The following KLF12 variants were observed in gnomAD, a reference collection of about 807,000 sequenced individuals.
KLF12 encodes the protein Krueppel-like factor 12.
In KLF12, 9 loss-of-function variants were observed where a neutral mutation model predicts 37.8. That is an observed-to-expected ratio of 0.24 (90% CI 0.14 to 0.42). The LOEUF is 0.42. Ranked by LOEUF, KLF12 falls within the 10% of genes least tolerant of loss-of-function variation. KLF12 has a pLI of 1.00. For synonymous variants in KLF12, 208 were observed against 202.1 expected (o/e 1.03, Z -0.25); for missense variants, 411 against 516.0 (o/e 0.80, Z 1.97).
At chr13:74,299,927 G>C in the KLF12 span, among the ~76,000 whole-genome samples, 3 of 152,120 alleles carry the variant, frequency 2.0e-5, no homozygotes, top group Non-Finnish European at 2.9e-5. Flanking sequence ...AAGAGGAGAG[G>C]CTTCTGGAAG....
intron 1 of KLF12, among the ~76,000 whole-genome samples, chr13:74,046,199 C>T (rs1216550549): frequency 1.3e-5 from 2 of 152,086 alleles, no homozygotes; most frequent in Non-Finnish European, 2.9e-5. Flanking sequence ...GTTCACTAAT[C>T]GAAACAAAGA....
intron 1 of KLF12, among the ~76,000 whole-genome samples, chr13:74,128,482 G>A (rs1878070707): frequency 6.6e-6 from 1 of 152,124 alleles, no homozygotes; most frequent in South Asian, 2.1e-4. Context: ...CCTCACCACA[G>A]CCCTGTAAAC....
chr13:74,199,468 T>C, the KLF12 span, among the ~76,000 whole-genome samples: 4 of 152,130 alleles, frequency 2.6e-5, no homozygotes, highest in Non-Finnish European at 5.9e-5. Flanking sequence ...ACTCAATAAG[T>C]GGTGACAATA....
At chr13:73,849,615 A>C (rs1885220953) in intron 3 of KLF12, among the ~76,000 whole-genome samples, 2 of 152,160 alleles carry the variant, frequency 1.3e-5, no homozygotes, top group African/African-American at 4.8e-5. Flanking sequence ...AACCAGCCTC[A>C]AAGGGGATAA....
intron 6 of KLF12, among the ~76,000 whole-genome samples, chr13:73,735,957 C>CTT (rs10699962): frequency 1.4e-5 from 2 of 146,848 alleles, no homozygotes; most frequent in Admixed American, 6.8e-5. Context: ...CTTTCTTTTT[C>CTT]TTTTTTTTTT....
intron 5 of KLF12, among the ~76,000 whole-genome samples, chr13:73,797,925 C>T (rs1393659958): frequency 6.6e-6 from 1 of 152,140 alleles, no homozygotes; most frequent in Non-Finnish European, 1.5e-5. Flanking sequence ...ACACATTCTT[C>T]TTCCTGATTG....
chr13:74,218,968 T>G, the KLF12 span, among the ~76,000 whole-genome samples: 2 of 151,388 alleles, frequency 1.3e-5, no homozygotes, highest in African/African-American at 4.9e-5. Context: ...AAGAGTTTTT[T>G]TTTTTTTTTT....
intron 1 of KLF12, among the ~76,000 whole-genome samples, chr13:74,133,264 G>T (rs1481382545): frequency 6.6e-6 from 1 of 151,946 alleles, no homozygotes; most frequent in Non-Finnish European, 1.5e-5. Context: ...GTCCCGGTGC[G>T]GAGCTATTCA....
rs866887148 is a variant in KLF12, at chr13:73,863,194, C to A, written c.124-16821G>T. ...AAACATGCTGGATCAAGAAAGGAAG[C>A]TGATTTGCTATTAGCAATTTTCCTG... On this transcript the variant is annotated intron_variant, in intron 3 of 7. Coordinates refer to ENST00000377669, the MANE Select transcript of KLF12 (RefSeq NM_007249.5). Among the ~76,000 whole-genome samples the A allele has an allele frequency of 9.9e-5, 15 of 152,122 alleles. No homozygotes were observed. The South Asian group carries it at 2.3e-3, about 23-fold the overall frequency.
intron 1 of KLF12, among the ~76,000 whole-genome samples, chr13:74,130,915 T>C (rs548985916): frequency 1.3e-5 from 2 of 152,342 alleles, no homozygotes; most frequent in East Asian, 1.9e-4. Context: ...AATGTGATCA[T>C]TGTAATATTA....
At chr13:74,292,536 T>C in the KLF12 span, among the ~76,000 whole-genome samples, 1 of 152,152 alleles carries the variant, frequency 6.6e-6, no homozygotes, top group South Asian at 2.1e-4. Flanking sequence ...GTCTCCTTAC[T>C]GATCATTTCT....
At chr13:73,701,208 T>C (rs1324378070) in intron 7 of KLF12, among the ~76,000 whole-genome samples, 3 of 152,220 alleles carry the variant, frequency 2.0e-5, no homozygotes, top group Non-Finnish European at 4.4e-5. Context: ...GGGCTGCTGC[T>C]GCACCTGGGC....
chr13:74,206,294 G>A, the KLF12 span, among the ~76,000 whole-genome samples: 1 of 152,128 alleles, frequency 6.6e-6, no homozygotes, highest in African/African-American at 2.4e-5. Context: ...GTTTTTAGAA[G>A]GAGTGATGGC....
rs534808744 is a variant in KLF12, at chr13:73,880,554, G to C, written c.124-34181C>G. On this transcript the variant is annotated intron_variant, in intron 3 of 7. Transcript: ENST00000377669. ...CCTCTGCTACTTCCTGCTGCTTCCA[G>C]ATGCCTCTAGCCATGACTCAACCAT... is the stretch of plus-strand genomic sequence containing the variant. Among the ~76,000 whole-genome samples, 6 of 152,276 alleles carry C rather than the reference G, an allele frequency of 3.9e-5. 1 individual carries two copies. The highest frequency in any genetic ancestry group is 1.4e-4 in the African/African-American group (6 of 41,562).
chr13:74,166,513 A>G, the KLF12 span, among the ~76,000 whole-genome samples: 2 of 152,140 alleles, frequency 1.3e-5, no homozygotes, highest in South Asian at 4.1e-4. Context: ...CAACTAACAA[A>G]TGATTGCCAG....
At chr13:74,269,344 C>T in the KLF12 span, among the ~76,000 whole-genome samples, 4 of 152,120 alleles carry the variant, frequency 2.6e-5, no homozygotes, top group African/African-American at 7.2e-5. Context: ...ATTTCCTGCT[C>T]ATTTCATATA....
intron 3 of KLF12, among the ~76,000 whole-genome samples, chr13:73,901,743 C>T (rs1269271764): frequency 1.3e-5 from 2 of 152,216 alleles, no homozygotes; most frequent in East Asian, 1.9e-4. Flanking sequence ...TTCTAAGCTC[C>T]GGAGGTCAGT....
chr13:74,260,758 G>A, the KLF12 span, among the ~76,000 whole-genome samples: 1 of 151,992 alleles, frequency 6.6e-6, no homozygotes, highest in African/African-American at 2.4e-5. Context: ...TTGTAAATGT[G>A]TAGGAATGCT....
chr13:73,717,633 A>C (rs1875915539), intron 6 of KLF12, among the ~76,000 whole-genome samples: 1 of 152,218 alleles, frequency 6.6e-6, no homozygotes, highest in Non-Finnish European at 1.5e-5. Context: ...GTTTTATGCA[A>C]GATCTACCAC....
Sources: allele counts gnomAD v4.1 joint callset (sites outside exome capture counted in the v4.1 genomes callset), GRCh38; gene constraint gnomAD v4.1.1; transcripts MANE v1.5; gene names NCBI Gene and HGNC (gene_info 2026-07-23, HGNC 2026-07-21).